DLG2: variants seen among roughly 807,000 people sequenced by gnomAD.
DLG2 encodes disks large homolog 2.
Under a neutral mutation model 132.5 loss-of-function variants are expected in DLG2, and 45 were observed. The observed-to-expected ratio is 0.34, with a 90% CI of 0.27 to 0.44. The LOEUF is 0.44. Among genes scored for constraint, DLG2 ranks in the 20% least tolerant of loss-of-function variants. The probability of loss-of-function intolerance (pLI) is 1.00; values close to 1 mark genes in which losing one functional copy is unlikely to be tolerated. For synonymous variants in DLG2, 424 were observed against 419.6 expected, an observed-to-expected ratio of 1.01 and a Z score of -0.13; for missense variants, 1,045 against 1,196.9, an observed-to-expected ratio of 0.87 and a Z score of 1.87.
intron 6 of DLG2, among the ~76,000 whole-genome samples, chr11:84,611,224 G>A (rs1304913737): frequency 6.6e-6 from 1 of 151,852 alleles, no homozygotes; most frequent in Non-Finnish European, 1.5e-5. Flanking sequence ...TCAAAGTTTT[G>A]GCATATAGTT....
rs535582915 is a variant in DLG2, at chr11:85,043,928, G to C, written c.357+67733C>G. ...TTTATATATACTTATTGGTATGTAAGGTTGTAATCTCAAATTCAAAGTTCA... is the reference window on the plus strand; with the variant it reads ...TTTATATATACTTATTGGTATGTAACGTTGTAATCTCAAATTCAAAGTTCA... On this transcript the variant is annotated intron_variant, in intron 6 of 27. Coordinates refer to ENST00000376104, the MANE Select transcript of DLG2 (RefSeq NM_001142699.3). 1.1e-4 allele frequency among the ~76,000 whole-genome samples: 17 copies of C among 151,932 alleles called. No individual in the cohort carries two copies. The South Asian group carries it at 3.5e-3, about 32-fold the overall frequency.
chr11:85,031,919 G>A (rs2061030659), intron 6 of DLG2, among the ~76,000 whole-genome samples: 1 of 150,006 alleles, frequency 6.7e-6, no homozygotes, highest in East Asian at 2.0e-4. Context: ...GAGAGGCTGG[G>A]GCTACAAGTG....
At chr11:84,258,578 A>C (rs540896372) in intron 7 of DLG2, among the ~76,000 whole-genome samples, 1 of 152,324 alleles carries the variant, frequency 6.6e-6, no homozygotes, top group East Asian at 1.9e-4. Flanking sequence ...ATTAAAAAGA[A>C]GGAAGGAATG....
At chr11:83,523,288 C>T (rs904159888) in intron 21 of DLG2, among the ~76,000 whole-genome samples, 1 of 152,160 alleles carries the variant, frequency 6.6e-6, no homozygotes, top group African/African-American at 2.4e-5. Flanking sequence ...GAAGATTTAA[C>T]AAAAGCTCAG....
intron 7 of DLG2, among the ~76,000 whole-genome samples, chr11:84,312,051 CTCAT>C (rs1336044521): frequency 1.3e-5 from 2 of 152,228 alleles, no homozygotes; most frequent in African/African-American, 2.4e-5. Flanking sequence ...CCAATGTTTA[CTCAT>C]TCATTTATTC....
intron 18 of DLG2, among the ~76,000 whole-genome samples, chr11:83,668,021 A>T (rs1428077426): frequency 7.1e-6 from 1 of 141,176 alleles, no homozygotes; most frequent in African/African-American, 2.6e-5. Context: ...GAGGGAAATG[A>T]CGGCCCCTGG....
At chr11:83,836,424 C>T (rs1396681087) in intron 16 of DLG2, among the ~76,000 whole-genome samples, 1 of 152,054 alleles carries the variant, frequency 6.6e-6, no homozygotes, top group Admixed American at 6.5e-5. Context: ...CTCCTATAGG[C>T]CATCCACATT....
chr11:83,714,965 T>C (rs762817254), intron 18 of DLG2, among the ~76,000 whole-genome samples: 15 of 152,220 alleles, frequency 9.9e-5, no homozygotes, highest in Admixed American at 3.3e-4. Context: ...TGCACACATA[T>C]GTTTATTGCA....
At chr11:85,034,022 T>C (rs2061239810) in intron 6 of DLG2, among the ~76,000 whole-genome samples, 1 of 152,064 alleles carries the variant, frequency 6.6e-6, no homozygotes, top group Non-Finnish European at 1.5e-5. Context: ...CTGTTCTTTC[T>C]CCAGGAAAAT....
intron 4 of DLG2, among the ~76,000 whole-genome samples, chr11:85,271,564 C>G (rs866532250): frequency 4.6e-5 from 7 of 152,236 alleles, no homozygotes; most frequent in Non-Finnish European, 7.3e-5. Context: ...AATGCCAGCA[C>G]AGGAAAGCAG....
chr11:85,347,720 G>A (rs2082947329), intron 3 of DLG2, among the ~76,000 whole-genome samples: 1 of 151,644 alleles, frequency 6.6e-6, no homozygotes, highest in African/African-American at 2.4e-5. Flanking sequence ...AGAGGGCAAA[G>A]GGGAAGTTTT....
intron 6 of DLG2, among the ~76,000 whole-genome samples, chr11:84,665,491 T>G (rs1013940042): frequency 6.6e-6 from 1 of 152,138 alleles, no homozygotes; most frequent in African/African-American, 2.4e-5. Flanking sequence ...CATATCTCCA[T>G]GCCTTTCCAC....
intron 18 of DLG2, among the ~76,000 whole-genome samples, chr11:83,660,789 A>G (rs80209808): frequency 6.6e-6 from 1 of 152,222 alleles, no homozygotes; most frequent in Admixed American, 6.5e-5. Context: ...AGATAAACAG[A>G]AAGTTGATAA....
At chr11:85,386,059 T>C (rs936394396) in intron 3 of DLG2, among the ~76,000 whole-genome samples, 4 of 152,216 alleles carry the variant, frequency 2.6e-5, no homozygotes, top group Admixed American at 2.0e-4. Context: ...AGAAATTTAA[T>C]TGGTTACTGA....
At chr11:85,044,689 G>T (rs2062170662) in intron 6 of DLG2, among the ~76,000 whole-genome samples, 1 of 151,948 alleles carries the variant, frequency 6.6e-6, no homozygotes, top group Admixed American at 6.6e-5. Context: ...TTGCCTATAT[G>T]AACCAGGGAT....
At chr11:85,285,091 G>A (rs2078472966) in intron 4 of DLG2, 129 bp downstream of exon 4, 1 of 786,140 alleles carries the variant, frequency 1.3e-6, no homozygotes, top group African/African-American at 1.7e-5. Context: ...ATTGCATACA[G>A]TATGGTATAA....
chr11:84,467,944 T>C (rs924129594), intron 7 of DLG2, among the ~76,000 whole-genome samples: 2 of 151,630 alleles, frequency 1.3e-5, no homozygotes, highest in South Asian at 2.1e-4. Context: ...CTAACAATTA[T>C]TGAATCCAGG....
At chr11:85,411,186 T>C (rs2089278444) in intron 3 of DLG2, among the ~76,000 whole-genome samples, 1 of 151,626 alleles carries the variant, frequency 6.6e-6, no homozygotes, top group Non-Finnish European at 1.5e-5. Context: ...ATAAGTGACA[T>C]GATCAAGGCA....
At chr11:84,019,068 A>G (rs568108399) in intron 11 of DLG2, among the ~76,000 whole-genome samples, 1 of 152,064 alleles carries the variant, frequency 6.6e-6, no homozygotes, top group Non-Finnish European at 1.5e-5. Context: ...TCTAGGTGGT[A>G]GTTACAGGAT....
Sources: allele counts gnomAD v4.1 joint callset (sites outside exome capture counted in the v4.1 genomes callset), GRCh38; gene constraint gnomAD v4.1.1; transcripts MANE v1.5; gene names NCBI Gene and HGNC (gene_info 2026-07-23, HGNC 2026-07-21).